Variants in CDIN1 observed in about 807,000 individuals in gnomAD.
The protein encoded by CDIN1 is CDAN1 interacting nuclease 1, also known as CDAN1-interacting nuclease 1.
A neutral mutation model predicts 45.3 loss-of-function variants in CDIN1; 33 were observed. The observed-to-expected ratio is 0.73, with a 90% confidence interval of 0.55 to 0.97. CDIN1 has a LOEUF of 0.97. Among genes scored for constraint, CDIN1 ranks in the 50% least tolerant of loss-of-function variants. The probability of loss-of-function intolerance (pLI) is 0.00; values close to 1 mark genes in which losing one functional copy is unlikely to be tolerated. For synonymous variants in CDIN1, 118 were observed against 124.4 expected, an observed-to-expected ratio of 0.95 and a Z score of 0.34; for missense variants, 303 against 339.4, an observed-to-expected ratio of 0.89 and a Z score of 0.84.
At chr15:36,726,354 G>T (rs2140896908) in intron 10 of CDIN1, among the ~76,000 whole-genome samples, 1 of 152,092 alleles carries the variant, frequency 6.6e-6, no homozygotes, top group African/African-American at 2.4e-5. Flanking sequence ...CAATTTCCTG[G>T]TATTCCTCAT....
intron 10 of CDIN1, among the ~76,000 whole-genome samples, chr15:36,724,371 G>C (rs748038874): frequency 6.6e-6 from 1 of 152,218 alleles, no homozygotes; most frequent in African/African-American, 2.4e-5. Context: ...GTCAAGTAAT[G>C]CCGACATTCA....
intron 10 of CDIN1, among the ~76,000 whole-genome samples, chr15:36,742,975 G>A (rs972902378): frequency 5.9e-5 from 9 of 152,164 alleles, no homozygotes; most frequent in African/African-American, 2.2e-4. Context: ...CATAAGAAAA[G>A]CACAAAGGTT....
intron 3 of CDIN1, among the ~76,000 whole-genome samples, chr15:36,650,290 A>G (rs2040517342): frequency 6.6e-6 from 1 of 152,214 alleles, no homozygotes; most frequent in African/African-American, 2.4e-5. Flanking sequence ...TGGCGTTAGT[A>G]CAGTGTGAAA....
At chr15:36,680,793 A>G (rs1401547613) in intron 5 of CDIN1, among the ~76,000 whole-genome samples, 1 of 152,210 alleles carries the variant, frequency 6.6e-6, no homozygotes, top group Non-Finnish European at 1.5e-5. Flanking sequence ...TTGAGAGAAC[A>G]AATAGAAATT....
chr15:36,786,235 TAGATA>T (rs955917830), intron 10 of CDIN1, among the ~76,000 whole-genome samples: 1 of 152,260 alleles, frequency 6.6e-6, no homozygotes, highest in African/African-American at 2.4e-5. Flanking sequence ...TTTATTCCTT[TAGATA>T]AAATTGTCTC....
intron 10 of CDIN1, among the ~76,000 whole-genome samples, chr15:36,801,431 T>C (rs1297657777): frequency 1.3e-5 from 2 of 152,158 alleles, no homozygotes; most frequent in African/African-American, 2.4e-5. Context: ...TGCATCTGTA[T>C]ACTAGAGGTA....
chr15:36,728,378 T>C (rs2043716054), intron 10 of CDIN1, among the ~76,000 whole-genome samples: 1 of 151,946 alleles, frequency 6.6e-6, no homozygotes, highest in Admixed American at 6.6e-5. Context: ...CAGACATTTG[T>C]TTGTGGGTCT....
chr15:36,699,579 C>T (rs11633890), intron 8 of CDIN1, among the ~76,000 whole-genome samples: 40,338 of 152,042 alleles, frequency 0.27, 5,502 homozygotes, highest in East Asian at 0.39. Flanking sequence ...CAAATATTCT[C>T]ATCTTTTAAT....
intron 5 of CDIN1, among the ~76,000 whole-genome samples, chr15:36,659,910 A>G (rs1595435490): frequency 6.7e-6 from 1 of 148,940 alleles, no homozygotes; most frequent in African/African-American, 2.5e-5. Flanking sequence ...TGATGGTGCT[A>G]GGTTATCTTC....
At chr15:36,747,923 G>A (rs2044502926) in intron 10 of CDIN1, among the ~76,000 whole-genome samples, 1 of 152,106 alleles carries the variant, frequency 6.6e-6, no homozygotes, top group Non-Finnish European at 1.5e-5. Context: ...TACACTGTGA[G>A]TTAAAATCAG....
At chr15:36,606,161 T>C (rs1427498739) in intron 1 of CDIN1, among the ~76,000 whole-genome samples, 1 of 152,144 alleles carries the variant, frequency 6.6e-6, no homozygotes, top group African/African-American at 2.4e-5. Flanking sequence ...TCACGCATTG[T>C]GTAGTGTTAC....
At chr15:36,645,468 A>G (rs1255819355) in intron 3 of CDIN1, among the ~76,000 whole-genome samples, 181 bp downstream of exon 3, 1 of 151,094 alleles carries the variant, frequency 6.6e-6, no homozygotes, top group Non-Finnish European at 1.5e-5. Context: ...TTGTAGATCT[A>G]AAGAGTATGG....
chr15:36,617,244 T>G (rs1460781293), intron 1 of CDIN1: 2 of 916,960 alleles, frequency 2.2e-6, no homozygotes, highest in Non-Finnish European at 3.7e-6. Context: ...CATCGGGTGC[T>G]CATCCTGAGG....
At chr15:36,632,580 C>G (rs1461782173) in intron 1 of CDIN1, among the ~76,000 whole-genome samples, 1 of 152,202 alleles carries the variant, frequency 6.6e-6, no homozygotes, top group African/African-American at 2.4e-5. Flanking sequence ...TACCGTAGTT[C>G]AACCATCTGG....
intron 1 of CDIN1, among the ~76,000 whole-genome samples, chr15:36,612,237 GTC>G (rs777743459): frequency 2.0e-5 from 3 of 152,210 alleles, no homozygotes; most frequent in Non-Finnish European, 4.4e-5. Flanking sequence ...GACAGCCCTT[GTC>G]TCTCTTCTTC....
chr15:36,679,822 C>G (rs550487106), intron 5 of CDIN1, among the ~76,000 whole-genome samples: 1 of 152,084 alleles, frequency 6.6e-6, no homozygotes, highest in Non-Finnish European at 1.5e-5. Flanking sequence ...GCCAGGGCCC[C>G]TCACCCACAT....
intron 3 of CDIN1, 67 bp from the exon 4 acceptor site, chr15:36,654,031 G>A (rs2040680254): frequency 2.6e-6 from 3 of 1,172,034 alleles, no homozygotes; most frequent in African/African-American, 1.5e-5. Context: ...TACACACAGG[G>A]GATGCTGACA....
chr15:36,684,568 T>C (rs922597295), intron 5 of CDIN1, among the ~76,000 whole-genome samples: 17 of 152,212 alleles, frequency 1.1e-4, no homozygotes, highest in Non-Finnish European at 2.1e-4. Flanking sequence ...TGCCAGGCTT[T>C]GGTATCAGAA....
Position 36,783,731 on chromosome 15 carries a change from T to C in CDIN1, c.717-24593T>C, listed in dbSNP as rs143920290. The stretch of plus-strand genomic sequence containing the variant: ...ATTAAAACTGCTTGCGGAAGTTTAA[T>C]TTACCCCTCTATTTGTTAGGACTTG... On this transcript the variant is annotated intron_variant, in intron 10 of 10. Coordinates refer to ENST00000566621, the MANE Select transcript of CDIN1 (RefSeq NM_001321759.2). Among the ~76,000 whole-genome samples the C allele has an allele frequency of 1.1e-4, 17 of 152,286 alleles. No individual in the cohort carries two copies. The East Asian group carries it at 3.3e-3, about 29-fold the overall frequency.
Sources: gnomAD v4.1 joint callset for allele counts (sites outside exome capture counted in the v4.1 genomes callset) on GRCh38, gnomAD v4.1.1 for gene constraint, MANE v1.5 for transcripts, NCBI Gene and HGNC (gene_info 2026-07-23, HGNC 2026-07-21) for gene names.